ADAMTS20: variants seen among roughly 807,000 people sequenced by gnomAD.
ADAMTS20 encodes ADAM metallopeptidase with thrombospondin type 1 motif 20.
ADAMTS20 carries 225 observed loss-of-function variants against 260.1 expected under a neutral mutation model. The ratio of observed to expected loss-of-function variants is 0.87; its 90% CI spans 0.78 to 0.97. The LOEUF (loss-of-function observed/expected upper bound fraction) is 0.97. Ranked by LOEUF, ADAMTS20 falls within the 50% of genes least tolerant of loss-of-function variation. ADAMTS20 has a pLI of 0.00. For synonymous variants in ADAMTS20, 802 were observed against 769.5 expected (o/e 1.04, Z -0.70); for missense variants, 2,400 against 2,337.7 (o/e 1.03, Z -0.55).
chr12:43,539,970 C>T (rs574252076), intron 2 of ADAMTS20, among the ~76,000 whole-genome samples: 37 of 152,072 alleles, frequency 2.4e-4, no homozygotes, highest in Admixed American at 2.3e-3. Context: ...GCAACCTCCA[C>T]CTCCCGGGTT....
At chr12:43,548,138 A>T (rs1026826211) in intron 2 of ADAMTS20, among the ~76,000 whole-genome samples, 1 of 152,214 alleles carries the variant, frequency 6.6e-6, no homozygotes, top group African/African-American at 2.4e-5. Context: ...CAGGAAAAAC[A>T]TTTAATAAAC....
At chr12:43,361,104 C>T (rs772044859) in intron 37 of ADAMTS20, among the ~76,000 whole-genome samples, 4 of 152,142 alleles carry the variant, frequency 2.6e-5, no homozygotes, top group Admixed American at 6.5e-5. Flanking sequence ...TGCAATGTGG[C>T]GAAGTTTATT....
intron 2 of ADAMTS20, among the ~76,000 whole-genome samples, chr12:43,542,804 A>C (rs181531309): frequency 1.9e-4 from 29 of 152,362 alleles, no homozygotes; most frequent in African/African-American, 6.7e-4. Context: ...CAAAGAAAAC[A>C]CTAGCCTGGA....
At chr12:43,416,541 T>TTTTG (rs1941133676) in intron 28 of ADAMTS20, among the ~76,000 whole-genome samples, 1 of 150,508 alleles carries the variant, frequency 6.6e-6, no homozygotes, top group Admixed American at 6.6e-5. Context: ...TTTTTTTTTT[T>TTTTG]GAGACGGAGT....
At chr12:43,493,959 A>C (rs1288236603) in intron 4 of ADAMTS20, among the ~76,000 whole-genome samples, 2 of 152,158 alleles carry the variant, frequency 1.3e-5, no homozygotes, top group Non-Finnish European at 2.9e-5. Flanking sequence ...TGGGCTCTGC[A>C]TGGGCTCATT....
chr12:43,411,780 A>G (rs911808326), intron 28 of ADAMTS20, among the ~76,000 whole-genome samples: 1 of 152,212 alleles, frequency 6.6e-6, no homozygotes, highest in Non-Finnish European at 1.5e-5. Flanking sequence ...ATAAAGAAAC[A>G]TTTCCTCAAT....
At chr12:43,362,156 T>C (rs1376760702) in intron 37 of ADAMTS20, among the ~76,000 whole-genome samples, 1 of 152,238 alleles carries the variant, frequency 6.6e-6, no homozygotes, top group Admixed American at 6.5e-5. Context: ...TTGTAGAATG[T>C]ATAATCTCCA....
intron 7 of ADAMTS20, among the ~76,000 whole-genome samples, chr12:43,480,735 A>G (rs757645625): frequency 7.0e-4 from 107 of 152,176 alleles, no homozygotes; most frequent in Non-Finnish European, 8.1e-4. Context: ...GATCTCATTT[A>G]CATGGAATCT....
intron 28 of ADAMTS20, among the ~76,000 whole-genome samples, chr12:43,417,672 T>A (rs1941156713): frequency 6.6e-6 from 1 of 152,210 alleles, no homozygotes; most frequent in South Asian, 2.1e-4. Flanking sequence ...TTCAAAAGGA[T>A]ATATTGCTCA....
intron 3 of ADAMTS20, among the ~76,000 whole-genome samples, chr12:43,531,034 C>G (rs975081965): frequency 6.6e-6 from 1 of 151,806 alleles, no homozygotes; most frequent in African/African-American, 2.4e-5. Flanking sequence ...AGAATATTTA[C>G]AGCAGCATTG....
chr12:43,503,880 A>G (rs1016146500), intron 3 of ADAMTS20, among the ~76,000 whole-genome samples: 1 of 152,118 alleles, frequency 6.6e-6, no homozygotes, highest in Non-Finnish European at 1.5e-5. Flanking sequence ...CATGTTGTTG[A>G]AAGAACATGA....
chr12:43,542,173 T>C (rs760670346), intron 2 of ADAMTS20, among the ~76,000 whole-genome samples: 2 of 152,194 alleles, frequency 1.3e-5, no homozygotes, highest in Non-Finnish European at 2.9e-5. Context: ...GGGGTCTGCG[T>C]AGTGGTCCTC....
intron 3 of ADAMTS20, among the ~76,000 whole-genome samples, chr12:43,509,376 C>T (rs1378116520): frequency 6.6e-6 from 1 of 151,856 alleles, no homozygotes; most frequent in Non-Finnish European, 1.5e-5. Context: ...ATACAGATCT[C>T]AGGGGTTTAA....
intron 15 of ADAMTS20, among the ~76,000 whole-genome samples, chr12:43,445,774 C>G (rs929313008): frequency 6.6e-6 from 1 of 152,048 alleles, no homozygotes; most frequent in African/African-American, 2.4e-5. Flanking sequence ...ATTGCTGGAG[C>G]TCAAGAGTTC....
intron 7 of ADAMTS20, among the ~76,000 whole-genome samples, chr12:43,484,118 A>G (rs919384944): frequency 6.6e-6 from 1 of 152,192 alleles, no homozygotes; most frequent in Non-Finnish European, 1.5e-5. Flanking sequence ...AGGTGACAAT[A>G]AACTATAAAC....
intron 2 of ADAMTS20, among the ~76,000 whole-genome samples, chr12:43,545,516 C>T (rs1014199015): frequency 6.6e-6 from 1 of 152,148 alleles, no homozygotes; most frequent in Non-Finnish European, 1.5e-5. Flanking sequence ...TATGTCATTC[C>T]TCAAAGTTTA....
At chr12:43,376,773 A>T in intron 32 of ADAMTS20, 120 bp from the exon 33 acceptor site, 1 of 1,182,058 alleles carries the variant, frequency 8.5e-7, no homozygotes, top group Non-Finnish European at 1.2e-6. Flanking sequence ...TAGTGGCTAG[A>T]TACACAGAAG....
chr12:43,532,260 A>G (rs1301100154), intron 2 of ADAMTS20, 65 bp from the exon 3 acceptor site: 2 of 1,427,008 alleles, frequency 1.4e-6, no homozygotes, highest in Non-Finnish European at 1.9e-6. Context: ...AACACATAGT[A>G]CCACAGGTTA....
chr12:43,395,677 C>CTTTTTTTTTTT (rs5797860), intron 29 of ADAMTS20, among the ~76,000 whole-genome samples: 1 of 90,828 alleles, frequency 1.1e-5, no homozygotes, highest in Non-Finnish European at 2.1e-5. Context: ...GTGTGAGATT[C>CTTTTTTTTTTT]TTTTTTTTTT....
Sources: allele counts gnomAD v4.1 joint callset (sites outside exome capture counted in the v4.1 genomes callset), GRCh38; gene constraint gnomAD v4.1.1; transcripts MANE v1.5; gene names NCBI Gene and HGNC (gene_info 2026-07-23, HGNC 2026-07-21).